GRM4: variants seen among roughly 807,000 people sequenced by gnomAD.
GRM4 encodes the protein glutamate metabotropic receptor 4.
Under a neutral mutation model 81.7 loss-of-function variants are expected in GRM4, and 28 were observed. The observed-to-expected ratio is 0.34, with a 90% CI of 0.25 to 0.47. The LOEUF is 0.47. GRM4 is among the 20% of genes least tolerant of loss of function. The pLI is 1.00. For synonymous variants in GRM4, 488 were observed against 528.8 expected (o/e 0.92, Z 1.06); for missense variants, 948 against 1,290.0 (o/e 0.73, Z 4.06).
At chr6:34,073,098 CCACA>C (rs1355497990) in intron 3 of GRM4, among the ~76,000 whole-genome samples, 1 of 4,282 alleles carries the variant, frequency 2.3e-4, no homozygotes, top group Non-Finnish European at 5.2e-4. Flanking sequence ...CAGATACACA[CCACA>C]CACACACATC....
intron 9 of GRM4, among the ~76,000 whole-genome samples, chr6:34,032,866 CA>C (rs1246251328): frequency 6.6e-6 from 1 of 152,076 alleles, no homozygotes; most frequent in African/African-American, 2.4e-5. Context: ...GGCAGGCAGC[CA>C]GGGGGAAATA....
chr6:34,031,805 T>A (rs1487813015), intron 9 of GRM4, among the ~76,000 whole-genome samples: 1 of 152,124 alleles, frequency 6.6e-6, no homozygotes, highest in Non-Finnish European at 1.5e-5. Flanking sequence ...ACCTGAACCC[T>A]GGGGGAACGG....
At chr6:34,135,983 A>C (rs1028099573) in intron 1 of GRM4, among the ~76,000 whole-genome samples, 2 of 152,230 alleles carry the variant, frequency 1.3e-5, no homozygotes, top group African/African-American at 4.8e-5. Context: ...GCCCGTGTGC[A>C]GGCAGGGGGC....
At chr6:34,045,449 G>C (rs1359673610) in intron 6 of GRM4, among the ~76,000 whole-genome samples, 1 of 152,264 alleles carries the variant, frequency 6.6e-6, no homozygotes, top group Non-Finnish European at 1.5e-5. Context: ...AGGAATCCTG[G>C]CACCAAGTAG....
chr6:34,080,576 A>G lies in GRM4; in HGVS notation c.736+11307T>C, dbSNP rs186481364. Among the ~76,000 whole-genome samples the G allele has an allele frequency of 6.6e-6, 1 of 152,098 alleles. No individual in the cohort carries two copies. Reference sequence around the variant, plus strand: ...CAAAGGCTGGAGGGCAGAAGGAAAAAAATGGCCACGCCCCTCCTCACCAGC... The same window carrying G: ...CAAAGGCTGGAGGGCAGAAGGAAAAGAATGGCCACGCCCCTCCTCACCAGC... On this transcript the variant is annotated intron_variant, in intron 3 of 10. Transcript: ENST00000538487. The surrounding 1 kb of genome is among the most constrained non-coding windows in gnomAD (Gnocchi z 5.4).
chr6:34,089,081 C>T lies in GRM4; in HGVS notation c.736+2802G>A, dbSNP rs1768060067. Among the ~76,000 whole-genome samples the T allele has an allele frequency of 6.6e-6, 1 of 152,060 alleles. No individual in the cohort carries two copies. The highest frequency in any genetic ancestry group is 6.5e-5 in the Admixed American group (1 of 15,276). On this transcript the variant is annotated intron_variant, in intron 3 of 10. Coordinates refer to ENST00000538487, the MANE Select transcript of GRM4 (RefSeq NM_000841.4). The surrounding 1 kb of genome is among the most constrained non-coding windows in gnomAD (Gnocchi z 4.3). Reference sequence around the variant, plus strand: ...TCCATTTCCCCATCTATAAAATGGGCATAGTCATGCTCCTCTGAAGCACCC... The same window carrying T: ...TCCATTTCCCCATCTATAAAATGGGTATAGTCATGCTCCTCTGAAGCACCC...
intron 2 of GRM4, among the ~76,000 whole-genome samples, chr6:34,097,259 G>A (rs1312749140): frequency 3.9e-5 from 6 of 152,228 alleles, no homozygotes; most frequent in South Asian, 2.1e-4. Flanking sequence ...CAGTCTGTGT[G>A]AAGACCCCAG....
chr6:34,036,319 C>T lies in GRM4; in HGVS notation c.1791G>A (p.Val597=). ...WAVLPLFLAV[V]GIAATLFVVI... ...CCACGAACAACGTGGCAGCGATGCC[C>T]ACCACGGCCAGGAAGAGGGGCAGCA... The change falls in exon 9 of 11, where the codon GTG becomes GTA. Residue 597 remains valine (V), a synonymous_variant. Coordinates refer to ENST00000538487, the MANE Select transcript of GRM4 (RefSeq NM_000841.4). This position sits in a 1 kb window ranked among gnomAD's most constrained non-coding sequence, Gnocchi z 9.0. 6.2e-7 allele frequency: 1 copy of T among 1,614,076 alleles called. No individual in the cohort carries two copies. Among genetic ancestry groups the T allele is most frequent in the Non-Finnish European group, 8.5e-7 (1 of 1,180,000 alleles).
intron 3 of GRM4, among the ~76,000 whole-genome samples, chr6:34,076,186 GA>G (rs1767302012): frequency 1.3e-5 from 2 of 152,378 alleles, no homozygotes; most frequent in Admixed American, 1.3e-4. Context: ...AGTGGAAACT[GA>G]AAAGCAAAAT....
chr6:34,056,530 G>T lies in GRM4; in HGVS notation c.1168+14C>A. 6.2e-7 allele frequency: 1 copy of T among 1,608,818 alleles called. No homozygotes were observed. Among genetic ancestry groups the T allele is most frequent in the Middle Eastern group, 1.8e-4 (1 of 5,528 alleles). ...CCTAGAGCCCGCCCGGCCCTGCCCG[G>T]CCCGCGTGCTCACTGGTGCACTTCT... On this transcript the variant is annotated intron_variant, in intron 6 of 10. Transcript: ENST00000538487.
At chr6:34,142,246 T>C (rs1022981205) in intron 1 of GRM4, among the ~76,000 whole-genome samples, 2 of 151,736 alleles carry the variant, frequency 1.3e-5, no homozygotes, top group African/African-American at 4.8e-5. Context: ...CAATGCCAGC[T>C]CCCCACATGC....
At chr6:34,086,595 G>C (rs1767901153) in intron 3 of GRM4, among the ~76,000 whole-genome samples, 1 of 152,178 alleles carries the variant, frequency 6.6e-6, no homozygotes, top group African/African-American at 2.4e-5. Flanking sequence ...ACTTACCTGA[G>C]AGGACTAGAG....
rs896925884 is a variant in GRM4 at position 34,136,695 on chromosome 6, G to A, written c.-363-2836C>T. On this transcript the variant is annotated intron_variant, in intron 1 of 10. Coordinates refer to ENST00000538487, the MANE Select transcript of GRM4 (RefSeq NM_000841.4). The surrounding 1 kb of genome is among the most constrained non-coding windows in gnomAD (Gnocchi z 4.1). ...TAGAATCAAGAGCCTGGAGCCTCAA[G>A]CTGGTCAGATCCCCTGCGAGACTTC... Among the ~76,000 whole-genome samples the A allele has an allele frequency of 6.6e-6, 1 of 152,056 alleles. No individual in the cohort carries two copies. Among genetic ancestry groups the A allele is most frequent in the Non-Finnish European group, 1.5e-5 (1 of 68,010 alleles).
rs1338131065 is a variant in GRM4, at chr6:34,040,272, G to A, written c.1412C>T (p.Ala471Val). The change falls in exon 8 of 11, where the codon GCG (alanine) becomes GTG (valine). Residue 471 changes from alanine (A) to valine (V), a missense_variant. Ala to Val is a moderately conservative substitution (Grantham distance 64). Coordinates refer to ENST00000538487, the MANE Select transcript of GRM4 (RefSeq NM_000841.4). ...TTGGTAGATGTCATAGCGCCCAGGC[G>A]CATCTCCATTCTCATTGAAGGTCAC... ...NPVTFNENGD[A>V]PGRYDIYQYQ... is the part of the protein sequence containing the mutation. 6 of 1,614,004 alleles carry A rather than the reference G, an allele frequency of 3.7e-6. No individual in the cohort carries two copies. The highest frequency in any genetic ancestry group is 1.7e-5 in the Admixed American group (1 of 60,012).
chr6:34,032,558 TGTC>T (rs1764491009), intron 9 of GRM4, among the ~76,000 whole-genome samples: 1 of 152,208 alleles, frequency 6.6e-6, no homozygotes, highest in African/African-American at 2.4e-5. Flanking sequence ...GAGAGGTGTA[TGTC>T]CCATGTCCTA....
chr6:34,103,854 C>A, intron 2 of GRM4: 1 of 1,412,386 alleles, frequency 7.1e-7, no homozygotes, highest in East Asian at 2.6e-5. Flanking sequence ...TCAGGCACTG[C>A]GAGGGTCCCG....
At chr6:34,118,725 G>A (rs999201760) in intron 2 of GRM4, among the ~76,000 whole-genome samples, 1 of 152,198 alleles carries the variant, frequency 6.6e-6, no homozygotes, top group Admixed American at 6.5e-5. Flanking sequence ...CCTGAAAACT[G>A]TGGGCCATCC....
intron 6 of GRM4, among the ~76,000 whole-genome samples, chr6:34,041,659 A>G (rs1480124078): frequency 6.6e-6 from 1 of 152,214 alleles, no homozygotes; most frequent in Non-Finnish European, 1.5e-5. Flanking sequence ...CTTGACAGCC[A>G]GCAGATGGCT....
chr6:34,033,895 G>GCCTGGCTA (rs199760726), intron 9 of GRM4, among the ~76,000 whole-genome samples: 2,413 of 152,164 alleles, frequency 0.016, 22 homozygotes, highest in East Asian at 0.024. Flanking sequence ...AAGCCACCAT[G>GCCTGGCTA]CCTGGCTACG....
Sources: allele counts gnomAD v4.1 joint callset (sites outside exome capture counted in the v4.1 genomes callset), GRCh38; gene constraint gnomAD v4.1.1; non-coding constraint Gnocchi (gnomAD v3.1); transcripts MANE v1.5; gene names NCBI Gene and HGNC (gene_info 2026-07-23, HGNC 2026-07-21).